The following ICE2 variants were observed in gnomAD, a reference collection of about 807,000 sequenced individuals.
ICE2 encodes the protein interactor of little elongation complex ELL subunit 2, also known as little elongation complex subunit 2.
A neutral mutation model predicts 105.4 loss-of-function variants in ICE2; 87 were observed. The ratio of observed to expected loss-of-function variants is 0.83; its 90% CI spans 0.69 to 0.99. ICE2 has a LOEUF of 0.99. Among genes scored for constraint, ICE2 ranks in the 50% least tolerant of loss-of-function variants. The pLI is 0.00. For missense variants in ICE2, 1,323 were observed against 1,146.7 expected (o/e 1.15, Z -2.22); for synonymous variants, 399 against 392.0 (o/e 1.02, Z -0.21).
chr15:60,463,233 C>T (rs957196225), intron 5 of ICE2, among the ~76,000 whole-genome samples: 2 of 152,060 alleles, frequency 1.3e-5, no homozygotes, highest in East Asian at 1.9e-4. Flanking sequence ...CGAACAGAAA[C>T]GTGTGCGTAT....
intron 4 of ICE2, among the ~76,000 whole-genome samples, chr15:60,467,785 ATAAT>A (rs1334707311): frequency 5.3e-5 from 8 of 152,224 alleles, no homozygotes; most frequent in Non-Finnish European, 1.0e-4. Context: ...CTTAATTGAA[ATAAT>A]TAAGCAATAA....
intron 12 of ICE2, chr15:60,438,175 G>GT (rs2063638193): frequency 6.6e-6 from 1 of 152,110 alleles, no homozygotes; most frequent in Non-Finnish European, 1.5e-5. Flanking sequence ...CACAAAAATC[G>GT]TATGTATTGT....
At chr15:60,467,291 G>C (rs1003911350) in intron 4 of ICE2, among the ~76,000 whole-genome samples, 3 of 151,942 alleles carry the variant, frequency 2.0e-5, no homozygotes, top group Admixed American at 2.0e-4. Flanking sequence ...ACATACATCC[G>C]AATAGAAAAA....
chr15:60,445,447 C>G, intron 11 of ICE2: 1 of 390,736 alleles, frequency 2.6e-6, no homozygotes, highest in Non-Finnish European at 3.5e-6. Flanking sequence ...AAGGGGCATA[C>G]ATTTTACTAA....
chr15:60,446,555 C>G (rs938650464), intron 11 of ICE2, among the ~76,000 whole-genome samples: 1 of 152,084 alleles, frequency 6.6e-6, no homozygotes, highest in Non-Finnish European at 1.5e-5. Context: ...GCCACCATAC[C>G]CGGCTAATTT....
rs1271426548 is a variant in ICE2 at position 60,423,692 on chromosome 15, A to G, written c.2891T>C (p.Leu964Ser). ...PVSMETKSSC[L>S]PAQQVETEGV... ...TTCAGTTTCAACTTGCTGAGCAGGC[A>G]AGCAACTGCTTTTGGTTTCCATGGA... Residue 964 changes from leucine to serine, a missense_variant, in exon 16 of 16, where the codon TTG becomes TCG. Physicochemically the swap from Leu to Ser is moderately radical, Grantham distance 145. Coordinates refer to ENST00000261520, the MANE Select transcript of ICE2 (RefSeq NM_024611.6). 1 of 1,607,652 alleles carries G rather than the reference A, an allele frequency of 6.2e-7. No individual in the cohort carries two copies. The highest frequency in any genetic ancestry group is 2.2e-5 in the East Asian group (1 of 44,780).
intron 1 of ICE2, among the ~76,000 whole-genome samples, chr15:60,478,343 A>C (rs1382144974): frequency 6.6e-6 from 1 of 152,188 alleles, no homozygotes; most frequent in Non-Finnish European, 1.5e-5. Context: ...CTTACATACT[A>C]GGCCACTTGA....
At chr15:60,429,337 T>C (rs1286876699) in intron 14 of ICE2, among the ~76,000 whole-genome samples, 1 of 152,150 alleles carries the variant, frequency 6.6e-6, no homozygotes, top group Non-Finnish European at 1.5e-5. Context: ...ATAAACAAAT[T>C]AGAGATGCTA....
intron 11 of ICE2, 29 bp from the exon 12 acceptor site, chr15:60,442,574 G>T (rs2063741808): frequency 6.5e-7 from 1 of 1,535,938 alleles, no homozygotes; most frequent in Non-Finnish European, 8.8e-7. Flanking sequence ...CTTTTTCAAA[G>T]CTCTATTAAT....
At chr15:60,456,919 T>C in intron 5 of ICE2, 125 bp from the exon 6 acceptor site, 2 of 447,074 alleles carry the variant, frequency 4.5e-6, no homozygotes. Context: ...TTAATCAAGC[T>C]ACTAATACAC....
chr15:60,428,379 G>T, intron 15 of ICE2, 50 bp downstream of exon 15: 1 of 1,560,788 alleles, frequency 6.4e-7, no homozygotes, highest in Middle Eastern at 1.7e-4. Context: ...CAGTGAAATA[G>T]ACGAATAATA....
rs534894291 is a variant in ICE2 at position 60,453,885 on chromosome 15, C to T, written c.944-101G>A. Reference sequence around the variant, plus strand: ...ATGAGGATCACCAAACAAAGAGACACAGGAGAATGGCAGCACATGTCCCAT... The same window carrying T: ...ATGAGGATCACCAAACAAAGAGACATAGGAGAATGGCAGCACATGTCCCAT... On this transcript the variant is annotated intron_variant, in intron 8 of 15. Transcript: ENST00000261520. 12 of 890,684 alleles carry T rather than the reference C, an allele frequency of 1.3e-5. No homozygotes were observed. In the South Asian group the frequency reaches 2.0e-4, roughly 15 times the overall value. The allele number at this position is 890,684 out of a possible 1,614,324, so 55.2% of individuals were successfully genotyped here.
At chr15:60,458,212 T>C (rs546106818) in intron 5 of ICE2, among the ~76,000 whole-genome samples, 5 of 152,154 alleles carry the variant, frequency 3.3e-5, no homozygotes, top group Admixed American at 6.5e-5. Flanking sequence ...ATGTTTTATA[T>C]TAATAATTTA....
chr15:60,424,949 A>G (rs915836515), intron 15 of ICE2, among the ~76,000 whole-genome samples: 1 of 152,186 alleles, frequency 6.6e-6, no homozygotes, highest in African/African-American at 2.4e-5. Context: ...GAACCTGCCC[A>G]TATCTGCCTT....
intron 13 of ICE2, among the ~76,000 whole-genome samples, chr15:60,434,521 A>ACACT (rs2063538051): frequency 8.4e-4 from 1 of 1,188 alleles, no homozygotes; most frequent in Non-Finnish European, 2.3e-3. Flanking sequence ...AAATGTGATT[A>ACACT]CACACACACA....
rs778664984 is a variant in ICE2, at chr15:60,442,444, T to C, written c.2397A>G (p.Leu799=). The C allele has an allele frequency of 6.3e-7, 1 of 1,591,120 alleles. No homozygotes were observed. The highest frequency in any genetic ancestry group is 8.5e-7 in the Non-Finnish European group (1 of 1,175,330). ...CATAAAATGAGCTGTTGGAATGCAA[T>C]AAACTTTCAGTCCATAAGCGACAAA... is the stretch of plus-strand genomic sequence containing the variant. ...SELCRLWTES[L]LHSNSSFYVG... is the part of the protein sequence containing the mutation. Residue 799 remains leucine, a synonymous_variant, in exon 12 of 16, where the codon TTA becomes TTG. Transcript: ENST00000261520.
At chr15:60,428,196 T>C (rs913575342) in intron 15 of ICE2, among the ~76,000 whole-genome samples, 22 of 152,306 alleles carry the variant, frequency 1.4e-4, no homozygotes, top group African/African-American at 5.3e-4. Context: ...CTGTGCAAGC[T>C]AAGAGAGTTT....
chr15:60,435,495 A>G (rs2063564634), intron 13 of ICE2, among the ~76,000 whole-genome samples: 1 of 151,968 alleles, frequency 6.6e-6, no homozygotes, highest in Non-Finnish European at 1.5e-5. Flanking sequence ...GCTACTCAGG[A>G]GGCTGAGGCA....
At chr15:60,466,088 A>G (rs1249096244) in intron 5 of ICE2, among the ~76,000 whole-genome samples, 1 of 152,136 alleles carries the variant, frequency 6.6e-6, no homozygotes, top group Non-Finnish European at 1.5e-5. Context: ...TGGTAGGCTC[A>G]ATGAATGATG....
Sources: gnomAD v4.1 joint callset for allele counts (sites outside exome capture counted in the v4.1 genomes callset) on GRCh38, gnomAD v4.1.1 for gene constraint, MANE v1.5 for transcripts, NCBI Gene and HGNC (gene_info 2026-07-23, HGNC 2026-07-21) for gene names.